Variants in PIEZO1 observed in about 807,000 individuals in gnomAD.
PIEZO1 encodes the protein piezo type mechanosensitive ion channel component 1 (Er blood group).
In PIEZO1, 296 loss-of-function variants were observed where a neutral mutation model predicts 297.2. The ratio of observed to expected loss-of-function variants is 1.00; its 90% CI spans 0.91 to 1.10. The LOEUF (loss-of-function observed/expected upper bound fraction) is 1.10. Among genes scored for constraint, PIEZO1 ranks in the 50% least tolerant of loss-of-function variants. The pLI, the probability that PIEZO1 is intolerant of heterozygous loss-of-function variation, is 0.00. For missense variants in PIEZO1, 5,018 were observed against 3,455.5 expected, an observed-to-expected ratio of 1.45 and a Z score of -11.34; for synonymous variants, 2,427 against 1,507.5, an observed-to-expected ratio of 1.61 and a Z score of -14.13.
At chr16:88,733,884 G>C in intron 17 of PIEZO1, 22 bp downstream of exon 17, 1 of 1,478,660 alleles carries the variant, frequency 6.8e-7, no homozygotes, top group Non-Finnish European at 9.0e-7. Context: ...GGTGGCAGCT[G>C]TGCTCTGCCC....
Position 88,727,668 on chromosome 16 carries a change from G to T in PIEZO1, c.3197-7C>A. 3.5e-6 allele frequency: 5 copies of T among 1,417,674 alleles called. No individual in the cohort carries two copies. Among genetic ancestry groups the T allele is most frequent in the Non-Finnish European group, 4.7e-6 (5 of 1,059,136 alleles). 87.8% of individuals were successfully genotyped at this position (1,417,674 alleles called of 1,614,324 possible). A position where few individuals can be genotyped will look rare whatever the true frequency, so the allele number is the denominator to read the frequency against. ...CTCCAGCGCCAGGGATAATCTGGGG[G>T]AAGGGGTGTCATGTCAGGAAGGGCC... On this transcript the variant is annotated splice_polypyrimidine_tract_variant and splice_region_variant and intron_variant, in intron 22 of 50. Coordinates refer to ENST00000301015, the MANE Select transcript of PIEZO1 (RefSeq NM_001142864.4).
chr16:88,726,072 G>A (rs535818430), intron 27 of PIEZO1: 27 of 590,288 alleles, frequency 4.6e-5, no homozygotes, highest in Non-Finnish European at 6.9e-5. Flanking sequence ...CAGCACTGCA[G>A]CCTGTGGTCT....
At chr16:88,754,775 C>T (rs1490051765) in intron 1 of PIEZO1, among the ~76,000 whole-genome samples, 1 of 152,208 alleles carries the variant, frequency 6.6e-6, no homozygotes, top group African/African-American at 2.4e-5. Flanking sequence ...CAGCGCTGGC[C>T]GAGAGCAGGA....
chr16:88,733,987 C>CCTCCTG lies in PIEZO1; in HGVS notation c.2247_2248insCAGGAG (p.Gln749_Glu750insGlnGlu). ...GAGTCCTCCTCCTCCTCCTCCTCCT[C>CCTCCTG]CTGCTGCTGCTGCTGATGCTCCTGC... On this transcript the variant is annotated inframe_insertion, in exon 17 of 51. Transcript: ENST00000301015. The CCTCCTG allele has an allele frequency of 6.6e-7, 1 of 1,506,142 alleles. No individual in the cohort carries two copies. The highest frequency in any genetic ancestry group is 8.9e-7 in the Non-Finnish European group (1 of 1,118,380). The allele number at this position is 1,506,142 out of a possible 1,614,324, so 93.3% of individuals were successfully genotyped here. A position where few individuals can be genotyped will look rare whatever the true frequency, so the allele number is the denominator to read the frequency against.
chr16:88,761,064 G>A (rs1274857490), intron 1 of PIEZO1, among the ~76,000 whole-genome samples: 1 of 152,232 alleles, frequency 6.6e-6, no homozygotes, highest in Non-Finnish European at 1.5e-5. Context: ...GCAGCCCCTG[G>A]AGGGGTTTGC....
rs1380858355 is a variant in PIEZO1 at position 88,743,996 on chromosome 16, G to T, written c.161-1574C>A. ...TGCTGTGCAGGGCTCCCGGAGGACAGGACCTTCCAGGGCCTCCCTGCCCCG... is the reference window on the plus strand; with the variant it reads ...TGCTGTGCAGGGCTCCCGGAGGACATGACCTTCCAGGGCCTCCCTGCCCCG... On this transcript the variant is annotated intron_variant, in intron 2 of 50. Coordinates refer to ENST00000301015, the MANE Select transcript of PIEZO1 (RefSeq NM_001142864.4). 1.8e-5 allele frequency: 4 copies of T among 222,410 alleles called. No individual in the cohort carries two copies. The East Asian group carries it at 5.2e-4, about 29-fold the overall frequency. The allele number at this position is 222,410 out of a possible 1,614,324, so 13.8% of individuals were successfully genotyped here. A position where few individuals can be genotyped will look rare whatever the true frequency, so the allele number is the denominator to read the frequency against.
At chr16:88,733,226 A>G in intron 19 of PIEZO1, 52 bp downstream of exon 19, 1 of 1,496,200 alleles carries the variant, frequency 6.7e-7, no homozygotes, top group East Asian at 2.5e-5. Flanking sequence ...TCGGGCTGCG[A>G]ATACAGAGTT....
chr16:88,763,779 G>T (rs112981743), intron 1 of PIEZO1, among the ~76,000 whole-genome samples: 2 of 152,186 alleles, frequency 1.3e-5, no homozygotes, highest in Non-Finnish European at 2.9e-5. Flanking sequence ...AAACAAGGTC[G>T]CTCTGTGACC....
At chr16:88,757,327 T>TTGGGGGGGGGGGGGGG (rs1906720153) in intron 1 of PIEZO1, among the ~76,000 whole-genome samples, 2 of 42,700 alleles carry the variant, frequency 4.7e-5, no homozygotes, top group Non-Finnish European at 5.2e-5. Context: ...GGCGGGGGGG[T>TTGGGGGGGGGGGGGGG]GGGGGGTAGT....
At chr16:88,768,158 C>T (rs1050012492) in intron 1 of PIEZO1, among the ~76,000 whole-genome samples, 6 of 152,222 alleles carry the variant, frequency 3.9e-5, no homozygotes, top group Admixed American at 2.0e-4. Flanking sequence ...GGCCCAACCT[C>T]GGTCCAGGGC....
In PIEZO1 at chr16:88,717,069, T is replaced by C. The variant is rs1394906563; in HGVS notation, c.6614A>G (p.Asn2205Ser). ...SLVRSVVGVVNQPIDVTVTLK... is the reference protein window; with the variant it reads ...SLVRSVVGVVSQPIDVTVTLK... ...GGTGACGGTGACATCGATGGGCTGG[T>C]TGACAACCCCAACCACGGAGCGCAC... Residue 2205 changes from asparagine to serine, a missense_variant, in exon 45 of 51, where the codon AAC becomes AGC. Transcript: ENST00000301015. The C allele has an allele frequency of 6.4e-7, 1 of 1,550,836 alleles. No individual in the cohort carries two copies. The highest frequency in any genetic ancestry group is 8.7e-7 in the Non-Finnish European group (1 of 1,147,072).
chr16:88,760,929 C>G (rs893042696), intron 1 of PIEZO1, among the ~76,000 whole-genome samples: 3 of 152,250 alleles, frequency 2.0e-5, no homozygotes, highest in Non-Finnish European at 2.9e-5. Context: ...CTGACCTACA[C>G]GGGGCAGGGT....
chr16:88,768,432 ATG>A (rs1453440111), intron 1 of PIEZO1, among the ~76,000 whole-genome samples: 5 of 152,114 alleles, frequency 3.3e-5, no homozygotes, highest in African/African-American at 9.7e-5. Flanking sequence ...GCTAAAACCT[ATG>A]CGCGTGCTCA....
rs962904687 is a variant in PIEZO1, at chr16:88,734,756, A to G, written c.1891T>C (p.Trp631Arg). 2 of 1,550,192 alleles carry G rather than the reference A, an allele frequency of 1.3e-6. No homozygotes were observed. Among genetic ancestry groups the G allele is most frequent in the African/African-American group, 2.7e-5 (2 of 73,052 alleles). The change falls in exon 15 of 51, where the codon TGG (tryptophan) becomes CGG (arginine). Residue 631 changes from tryptophan to arginine, a missense_variant. Physicochemically the swap from Trp to Arg is moderately radical, Grantham distance 101. Transcript: ENST00000301015. ...AGCATGGTGTAGGCCACCACGAGCCACCAGAAGGCCTTGAGCAGCTTCCGC... is the reference window on the plus strand; with the variant it reads ...AGCATGGTGTAGGCCACCACGAGCCGCCAGAAGGCCTTGAGCAGCTTCCGC... The part of the protein sequence containing the change: ...LWRKLLKAFW[W>R]LVVAYTMLVL...
chr16:88,743,665 CAA>C (rs1905850148), intron 2 of PIEZO1: 4 of 456,442 alleles, frequency 8.8e-6, no homozygotes, highest in Non-Finnish European at 1.8e-5. Flanking sequence ...CTTTCTGGAG[CAA>C]AGACTCATGA....
At chr16:88,726,491 G>A (rs772129874) in intron 26 of PIEZO1, 36 bp from the exon 27 acceptor site, 13 of 1,547,582 alleles carry the variant, frequency 8.4e-6, no homozygotes, top group Admixed American at 5.9e-5. Flanking sequence ...CAGGCCCAGG[G>A]CCCAGGAGCA....
rs982556719 is a variant in PIEZO1 at position 88,735,063 on chromosome 16, A to C, written c.1670-10T>G. On this transcript the variant is annotated splice_polypyrimidine_tract_variant and intron_variant, in intron 13 of 50. Transcript: ENST00000301015. The stretch of plus-strand genomic sequence containing the variant: ...TGCGTCCGCGTGGGCTCTGTGGGCC[A>C]AGCCAGGGGCAGGCGATGGCATCAG... The C allele has an allele frequency of 6.5e-7, 1 of 1,550,226 alleles. No homozygotes were observed. Among genetic ancestry groups the C allele is most frequent in the African/African-American group, 1.4e-5 (1 of 73,186 alleles).
rs374395475 is a variant in PIEZO1 at position 88,725,056 on chromosome 16, G to A, written c.4187C>T (p.Ser1396Phe). ...EPGPDSPGGS[S>F]PPRRQWWRPW... The stretch of plus-strand genomic sequence containing the variant: ...CCGCCACCACTGCCTCCGTGGCGGG[G>A]AGGAGCCCCCTGGACTGTCGGGCCC... Residue 1396 changes from serine (S) to phenylalanine (F), a missense_variant, in exon 30 of 51, where the codon TCC (serine) becomes TTC (phenylalanine). Physicochemically the swap from Ser to Phe is radical, Grantham distance 155 (BLOSUM62 -2). Coordinates refer to ENST00000301015, the MANE Select transcript of PIEZO1 (RefSeq NM_001142864.4). The A allele has an allele frequency of 1.2e-4, 173 of 1,501,872 alleles. 1 individual carries two copies. In the East Asian group the frequency reaches 3.5e-3, roughly 30 times the overall value. The allele number at this position is 1,501,872 out of a possible 1,614,324, so 93.0% of individuals were successfully genotyped here. A position where few individuals can be genotyped will look rare whatever the true frequency, so the allele number is the denominator to read the frequency against.
chr16:88,749,335 G>T, intron 2 of PIEZO1, 49 bp downstream of exon 2: 2 of 1,273,448 alleles, frequency 1.6e-6, no homozygotes, highest in Non-Finnish European at 2.1e-6. Context: ...CCAAACGAAT[G>T]CCCACCCCCT....
Sources: allele counts gnomAD v4.1 joint callset (sites outside exome capture counted in the v4.1 genomes callset), GRCh38; gene constraint gnomAD v4.1.1; transcripts MANE v1.5; gene names NCBI Gene and HGNC (gene_info 2026-07-23, HGNC 2026-07-21).